The following NCOR1 variants were observed in gnomAD, a reference collection of about 807,000 sequenced individuals.
The protein encoded by NCOR1 is protein phosphatase 1, regulatory subunit 109.
Under a neutral mutation model 288.1 loss-of-function variants are expected in NCOR1, and 63 were observed. The ratio of observed to expected loss-of-function variants is 0.22; its 90% CI spans 0.18 to 0.27. NCOR1 has a LOEUF of 0.27. Among genes scored for constraint, NCOR1 ranks in the 10% least tolerant of loss-of-function variants. The probability of loss-of-function intolerance (pLI) is 1.00; values close to 1 mark genes in which losing one functional copy is unlikely to be tolerated. For missense variants in NCOR1, 2,397 were observed against 3,019.2 expected (o/e 0.79, Z 4.83); for synonymous variants, 1,007 against 1,065.9 (o/e 0.94, Z 1.08).
intron 43 of NCOR1, 38 bp downstream of exon 43, chr17:16,040,403 C>T (rs764699784): frequency 1.9e-6 from 3 of 1,595,000 alleles, no homozygotes; most frequent in Admixed American, 3.3e-5. Context: ...ACTGCTGTGC[C>T]AATTTTGTAT....
At chr17:16,042,221 T>C (rs1441435569) in intron 42 of NCOR1, among the ~76,000 whole-genome samples, 1 of 152,170 alleles carries the variant, frequency 6.6e-6, no homozygotes, top group Admixed American at 6.5e-5. Context: ...GTCTTCTTAC[T>C]TATGGGCCAG....
In NCOR1 at chr17:16,061,584, A is replaced by T; in HGVS notation, c.5698T>A (p.Tyr1900Asn). Reference protein sequence around the residue: ...GKPQPHSSVVYSEAGKDKGPP... With the variant: ...GKPQPHSSVVNSEAGKDKGPP... The stretch of plus-strand genomic sequence containing the variant: ...CCTTTATCTTTCCCAGCCTCAGAAT[A>T]AACTACTGAAGAATGAGGCTGGGGC... Residue 1900 changes from tyrosine (Y) to asparagine (N), a missense_variant, in exon 37 of 46, where the codon TAT becomes AAT. By Grantham distance (143) the Tyr-to-Asn change is moderately radical. Transcript: ENST00000268712. 6.2e-7 allele frequency: 1 copy of T among 1,614,194 alleles called. No individual in the cohort carries two copies. The highest frequency in any genetic ancestry group is 1.3e-5 in the African/African-American group (1 of 75,042).
intron 27 of NCOR1, among the ~76,000 whole-genome samples, chr17:16,074,033 C>G (rs1598225439): frequency 6.6e-6 from 1 of 152,112 alleles, no homozygotes; most frequent in Non-Finnish European, 1.5e-5. Context: ...GCAGTGTGAA[C>G]AGTGAACACG....
intron 14 of NCOR1, among the ~76,000 whole-genome samples, chr17:16,135,318 T>C (rs903367574): frequency 2.0e-5 from 3 of 152,118 alleles, no homozygotes; most frequent in South Asian, 2.1e-4. Flanking sequence ...TCTGGTGGAA[T>C]AGTGCTTCCT....
chr17:16,199,672 G>GT (rs2090495649), intron 1 of NCOR1, among the ~76,000 whole-genome samples: 1 of 152,194 alleles, frequency 6.6e-6, no homozygotes, highest in African/African-American at 2.4e-5. Flanking sequence ...TTAAGTGGCA[G>GT]TATCAAATTA....
chr17:16,082,264 A>C (rs2063522954), intron 23 of NCOR1, among the ~76,000 whole-genome samples: 1 of 152,152 alleles, frequency 6.6e-6, no homozygotes, highest in Non-Finnish European at 1.5e-5. Flanking sequence ...CCAGTTTTTG[A>C]CCAAAAATTA....
intron 18 of NCOR1, among the ~76,000 whole-genome samples, 172 bp downstream of exon 18, chr17:16,117,716 G>T (rs1178776691): frequency 6.6e-6 from 1 of 152,026 alleles, no homozygotes. Flanking sequence ...CCAGCTACTC[G>T]GGAGGCTGAG....
At chr17:16,060,185 G>C (rs1473932387) in intron 37 of NCOR1, among the ~76,000 whole-genome samples, 1 of 152,144 alleles carries the variant, frequency 6.6e-6, no homozygotes, top group Non-Finnish European at 1.5e-5. Flanking sequence ...CATAGCCTTT[G>C]GACATCATGG....
chr17:16,054,497 C>T (rs961897943), intron 40 of NCOR1, among the ~76,000 whole-genome samples: 4 of 152,034 alleles, frequency 2.6e-5, no homozygotes, highest in African/African-American at 4.8e-5. Context: ...GACTGCGCCA[C>T]TGAAATCCAG....
Position 16,058,084 on chromosome 17 carries a change from T to C in NCOR1, c.6011-20A>G. 1 of 1,612,412 alleles carries C rather than the reference T, an allele frequency of 6.2e-7. No individual in the cohort carries two copies. Among genetic ancestry groups the C allele is most frequent in the Non-Finnish European group, 8.5e-7 (1 of 1,178,622 alleles). Reference sequence around the variant, plus strand: ...GATCATCTAGGAGAGAACACATAGATGTCTTACTCCAGGAATGTCTGTGCT... The same window carrying C: ...GATCATCTAGGAGAGAACACATAGACGTCTTACTCCAGGAATGTCTGTGCT... On this transcript the variant is annotated intron_variant, in intron 38 of 45. Coordinates refer to ENST00000268712, the MANE Select transcript of NCOR1 (RefSeq NM_006311.4).
At chr17:16,150,285 G>A (rs2078648538) in intron 8 of NCOR1, among the ~76,000 whole-genome samples, 1 of 152,020 alleles carries the variant, frequency 6.6e-6, no homozygotes, top group Admixed American at 6.6e-5. Flanking sequence ...GTATGGACAA[G>A]CAGGAGCTGG....
intron 2 of NCOR1, chr17:16,191,920 G>C (rs2088445598): frequency 6.6e-6 from 1 of 150,922 alleles, no homozygotes; most frequent in Non-Finnish European, 1.5e-5. Flanking sequence ...CTAGGCTACA[G>C]CTCTGGGCTA....
At chr17:16,033,196 G>T (rs1213072065) in intron 45 of NCOR1, among the ~76,000 whole-genome samples, 1 of 152,076 alleles carries the variant, frequency 6.6e-6, no homozygotes, top group African/African-American at 2.4e-5. Flanking sequence ...TTAGCCGGGT[G>T]TGGTGGTGCA....
chr17:16,081,200 TTTG>T (rs1039133129), intron 23 of NCOR1, among the ~76,000 whole-genome samples: 1 of 141,180 alleles, frequency 7.1e-6, no homozygotes, highest in African/African-American at 2.5e-5. Context: ...TTTTGTTTTT[TTTG>T]TTTTCTTTTT....
chr17:16,169,820 G>A (rs1274559418), intron 4 of NCOR1, among the ~76,000 whole-genome samples: 1 of 152,060 alleles, frequency 6.6e-6, no homozygotes, highest in Non-Finnish European at 1.5e-5. Context: ...CATGGAAGAT[G>A]ACCTTTATTC....
intron 6 of NCOR1, among the ~76,000 whole-genome samples, chr17:16,154,834 T>C (rs1345246856): frequency 1.1e-4 from 16 of 152,136 alleles, no homozygotes; most frequent in Admixed American, 7.2e-4. Context: ...ATTAAGCTAA[T>C]GATAAAGGTA....
At chr17:16,040,416 G>C (rs1387036556) in intron 43 of NCOR1, 25 bp downstream of exon 43, 2 of 1,608,736 alleles carry the variant, frequency 1.2e-6, no homozygotes, top group African/African-American at 2.7e-5. Flanking sequence ...TTTTGTATTG[G>C]TAAATAATGT....
In NCOR1 at chr17:16,090,112, T is replaced by C. The variant is rs1007133729; in HGVS notation, c.3016+1751A>G. Among the ~76,000 whole-genome samples the C allele has an allele frequency of 1.7e-4, 26 of 152,220 alleles. No homozygotes were observed. In the South Asian group the frequency reaches 2.9e-3, roughly 17 times the overall value. Reference sequence around the variant, plus strand: ...AATTCACAGTTTGGAGTCTCAGAATTTGGGGCTCCAGCCTGGTTCAGTTTC... The same window carrying C: ...AATTCACAGTTTGGAGTCTCAGAATCTGGGGCTCCAGCCTGGTTCAGTTTC... On this transcript the variant is annotated intron_variant, in intron 22 of 45. Transcript: ENST00000268712.
At chr17:16,058,363 T>G (rs116157767) in intron 38 of NCOR1, 108 bp downstream of exon 38, 4 of 1,417,332 alleles carry the variant, frequency 2.8e-6, no homozygotes, top group Non-Finnish European at 3.8e-6. Flanking sequence ...AAGATTACCC[T>G]AAAACAAACA....
Sources: gnomAD v4.1 joint callset for allele counts (sites outside exome capture counted in the v4.1 genomes callset) on GRCh38, gnomAD v4.1.1 for gene constraint, MANE v1.5 for transcripts, NCBI Gene and HGNC (gene_info 2026-07-23, HGNC 2026-07-21) for gene names.